Variants in FAM133B observed in about 807,000 individuals in gnomAD.
FAM133B encodes family with sequence similarity 133 member B, also known as protein FAM133B.
In FAM133B, 25 loss-of-function variants were observed where a neutral mutation model predicts 46.4. The observed-to-expected ratio is 0.54, with a 90% CI of 0.39 to 0.75. The LOEUF (loss-of-function observed/expected upper bound fraction) is 0.75, where lower values mean the gene tolerates loss of function less well. Ranked by LOEUF, FAM133B falls within the 30% of genes least tolerant of loss-of-function variation. The probability of loss-of-function intolerance (pLI) is 0.00; values close to 1 mark genes in which losing one functional copy is unlikely to be tolerated. For missense variants in FAM133B, 205 were observed against 277.6 expected (o/e 0.74, Z 1.86); for synonymous variants, 75 against 86.0 (o/e 0.87, Z 0.71).
chr7:92,562,989 A>G (rs1344495369), intron 10 of FAM133B, among the ~76,000 whole-genome samples: 2 of 152,230 alleles, frequency 1.3e-5, no homozygotes, highest in African/African-American at 4.8e-5. Flanking sequence ...CGGTAGAAGT[A>G]GTTAAACTGT....
At chr7:92,574,289 T>G (rs546173235) in intron 8 of FAM133B, among the ~76,000 whole-genome samples, 2 of 152,172 alleles carry the variant, frequency 1.3e-5, no homozygotes, top group African/African-American at 4.8e-5. Context: ...TGGATGAAAT[T>G]TGAAAATACT....
intron 1 of FAM133B, among the ~76,000 whole-genome samples, chr7:92,587,066 A>G (rs1795055651): frequency 6.6e-6 from 1 of 152,178 alleles, no homozygotes; most frequent in South Asian, 2.1e-4. Context: ...ATAATGGTAG[A>G]GCTGCACAAG....
rs892905214 is a variant in FAM133B at position 92,590,366 on chromosome 7, G to T, written c.-75C>A. The T allele has an allele frequency of 2.5e-6, 4 of 1,606,150 alleles. No homozygotes were observed. The highest frequency in any genetic ancestry group is 3.4e-6 in the Non-Finnish European group (4 of 1,176,102). On this transcript the variant is annotated 5_prime_UTR_variant, in exon 1 of 11. The change creates a new upstream start codon in the 5' untranslated region. Transcript: ENST00000445716. ...AGACTGCCGAAGAGGGCCTGCCGCA[G>T]GTCCTCTTGCCGCCTCCCCACTCCG...
At chr7:92,571,700 T>C (rs1466337341) in intron 8 of FAM133B, among the ~76,000 whole-genome samples, 1 of 152,172 alleles carries the variant, frequency 6.6e-6, no homozygotes, top group Non-Finnish European at 1.5e-5. Context: ...TATTATTACA[T>C]TCCACAGATT....
chr7:92,586,834 T>C (rs887804594), intron 1 of FAM133B, among the ~76,000 whole-genome samples: 3 of 152,178 alleles, frequency 2.0e-5, no homozygotes, highest in African/African-American at 7.2e-5. Flanking sequence ...GAAAAGAACA[T>C]GAAGAACACT....
intron 10 of FAM133B, 107 bp from the exon 11 acceptor site, chr7:92,562,475 C>T: frequency 7.2e-7 from 1 of 1,396,690 alleles, no homozygotes; most frequent in Non-Finnish European, 9.4e-7. Context: ...ATCCACACAA[C>T]CAAGAAAACT....
chr7:92,588,917 C>T (rs973156824), intron 1 of FAM133B, among the ~76,000 whole-genome samples: 1 of 152,156 alleles, frequency 6.6e-6, no homozygotes, highest in African/African-American at 2.4e-5. Flanking sequence ...AAGCAGATGC[C>T]GCTAAGCTTC....
intron 1 of FAM133B, 30 bp downstream of exon 1, chr7:92,590,238 G>A (rs1196393589): frequency 1.2e-6 from 2 of 1,613,418 alleles, no homozygotes; most frequent in African/African-American, 1.3e-5. Context: ...GCCCTGCGTC[G>A]CCCCACTGTT....
intron 1 of FAM133B, 160 bp downstream of exon 1, chr7:92,590,108 G>C (rs1487620972): frequency 6.8e-6 from 7 of 1,027,980 alleles, no homozygotes; most frequent in Admixed American, 5.4e-5. Context: ...CTGCGTGCGC[G>C]GCGCACGCGC....
chr7:92,584,963 A>C (rs1170699760), intron 1 of FAM133B, among the ~76,000 whole-genome samples: 1 of 151,352 alleles, frequency 6.6e-6, no homozygotes, highest in African/African-American at 2.4e-5. Flanking sequence ...CTCAGGAGAG[A>C]CCAATCTTGT....
chr7:92,576,350 C>T (rs1794693865), intron 7 of FAM133B, among the ~76,000 whole-genome samples: 1 of 151,284 alleles, frequency 6.6e-6, no homozygotes, highest in African/African-American at 2.5e-5. Flanking sequence ...TGTTAGCTAT[C>T]ATTATCATGA....
intron 6 of FAM133B, 24 bp from the exon 7 acceptor site, chr7:92,577,219 A>T: frequency 7.2e-7 from 1 of 1,397,634 alleles, no homozygotes; most frequent in South Asian, 1.6e-5. Context: ...TTTTAGAAAC[A>T]TTTGCTTTCT....
intron 3 of FAM133B, chr7:92,579,106 CT>C: frequency 2.0e-6 from 1 of 505,930 alleles, no homozygotes; most frequent in Non-Finnish European, 3.6e-6. Context: ...TACAGAACCT[CT>C]TTAACTGAGA....
At chr7:92,572,495 G>A (rs542512240) in intron 8 of FAM133B, among the ~76,000 whole-genome samples, 30 of 152,304 alleles carry the variant, frequency 2.0e-4, no homozygotes, top group Non-Finnish European at 2.8e-4. Flanking sequence ...TGAGGTGGGC[G>A]GATCACGTGG....
At chr7:92,574,633 C>T (rs1485613812) in intron 8 of FAM133B, among the ~76,000 whole-genome samples, 3 of 152,124 alleles carry the variant, frequency 2.0e-5, no homozygotes, top group Middle Eastern at 3.4e-3. Context: ...GGGCCGGGCG[C>T]GGTGGCTCAC....
intron 9 of FAM133B, among the ~76,000 whole-genome samples, chr7:92,568,443 C>T (rs1022512861): frequency 3.3e-5 from 5 of 151,746 alleles, no homozygotes; most frequent in African/African-American, 7.3e-5. Flanking sequence ...CTGCAACCTC[C>T]GCCTCCCGGG....
intron 1 of FAM133B, among the ~76,000 whole-genome samples, chr7:92,582,173 C>T (rs1181411703): frequency 1.3e-5 from 2 of 152,004 alleles, no homozygotes; most frequent in African/African-American, 2.4e-5. Flanking sequence ...CACTTGAACC[C>T]GGGAGGTAGA....
chr7:92,563,806 C>T (rs1794229301), intron 10 of FAM133B, among the ~76,000 whole-genome samples: 1 of 152,158 alleles, frequency 6.6e-6, no homozygotes, highest in South Asian at 2.1e-4. Context: ...TCTGATTCTG[C>T]TCTTTAACTC....
intron 9 of FAM133B, among the ~76,000 whole-genome samples, chr7:92,568,481 C>A (rs1224096264): frequency 6.6e-6 from 1 of 151,858 alleles, no homozygotes; most frequent in African/African-American, 2.4e-5. Flanking sequence ...CCTCAGCCTC[C>A]CGAGTAGCTG....
Sources: allele counts gnomAD v4.1 joint callset (sites outside exome capture counted in the v4.1 genomes callset), GRCh38; gene constraint gnomAD v4.1.1; transcripts MANE v1.5; gene names NCBI Gene and HGNC (gene_info 2026-07-23, HGNC 2026-07-21).